The following FARP2 variants were observed in gnomAD, a reference collection of about 807,000 sequenced individuals.
FARP2 encodes the protein FERM, ARH/RhoGEF and pleckstrin domain protein 2.
In FARP2, 111 loss-of-function variants were observed where a neutral mutation model predicts 130.5. That is an observed-to-expected ratio of 0.85 (90% CI 0.73 to 1.00). FARP2 has a LOEUF of 1.00. Among genes scored for constraint, FARP2 ranks in the 50% least tolerant of loss-of-function variants. The pLI, the probability that FARP2 is intolerant of heterozygous loss-of-function variation, is 0.00. For synonymous variants in FARP2, 504 were observed against 516.9 expected, an observed-to-expected ratio of 0.98 and a Z score of 0.34; for missense variants, 1,385 against 1,346.3, an observed-to-expected ratio of 1.03 and a Z score of -0.45.
intron 5 of FARP2, among the ~76,000 whole-genome samples, chr2:241,408,062 A>G (rs1040201584): frequency 7.2e-5 from 11 of 152,206 alleles, no homozygotes; most frequent in East Asian, 1.9e-4. Flanking sequence ...TTAAAGATCA[A>G]TTCTTTATAG....
At chr2:241,465,501 A>G in intron 17 of FARP2, 1 of 1,550,572 alleles carries the variant, frequency 6.4e-7, no homozygotes, top group Non-Finnish European at 8.7e-7. Context: ...GGGTCACAAA[A>G]ATGGAGTAGA....
chr2:241,481,124 G>T (rs902936273), intron 19 of FARP2, among the ~76,000 whole-genome samples: 1 of 151,792 alleles, frequency 6.6e-6, no homozygotes, highest in African/African-American at 2.4e-5. Flanking sequence ...AGCTACCCAG[G>T]AGGCTGAGGC....
intron 1 of FARP2, among the ~76,000 whole-genome samples, chr2:241,363,047 G>A (rs1012287394): frequency 1.1e-4 from 16 of 152,210 alleles, no homozygotes; most frequent in African/African-American, 3.9e-4. Context: ...CAAGTAAACG[G>A]TAACAGGCGG....
rs992797902 is a variant in FARP2, at chr2:241,459,690, C to T, written c.1587+2768C>T. ...CTGGGCCTATCCCTGGCCGCCGTCTCATCCCTGGCCTGCAGCCCAGCTTGC... is the reference window on the plus strand; with the variant it reads ...CTGGGCCTATCCCTGGCCGCCGTCTTATCCCTGGCCTGCAGCCCAGCTTGC... On this transcript the variant is annotated intron_variant, in intron 14 of 26. Transcript: ENST00000264042. This position sits in a 1 kb window ranked among gnomAD's most constrained non-coding sequence, Gnocchi z 5.3. Among the ~76,000 whole-genome samples, 1 of 152,212 alleles carries T rather than the reference C, an allele frequency of 6.6e-6. No homozygotes were observed. Among genetic ancestry groups the T allele is most frequent in the African/African-American group, 2.4e-5 (1 of 41,464 alleles).
chr2:241,458,683 A>G (rs2063932426), intron 14 of FARP2, among the ~76,000 whole-genome samples: 1 of 146,938 alleles, frequency 6.8e-6, no homozygotes, highest in Non-Finnish European at 1.5e-5. Flanking sequence ...CTTTGGTACA[A>G]AAAAAAAAAT....
At chr2:241,410,892 G>A (rs551329614) in intron 5 of FARP2, 141 bp from the exon 6 acceptor site, 45 of 606,424 alleles carry the variant, frequency 7.4e-5, no homozygotes, top group African/African-American at 1.5e-4. Context: ...TTGCTGTTTC[G>A]TGACCGCCTT....
Position 241,428,031 on chromosome 2 carries a change from G to T in FARP2, c.772-3648G>T, listed in dbSNP as rs1351122651. On this transcript the variant is annotated intron_variant, in intron 8 of 26. Coordinates refer to ENST00000264042, the MANE Select transcript of FARP2 (RefSeq NM_014808.4). ...TCCGCCCGCCTTGGCCTCCCAAAGT[G>T]CTGGGATTACAGGCATGAGCCACCA... Among the ~76,000 whole-genome samples, 6 of 152,050 alleles carry T rather than the reference G, an allele frequency of 3.9e-5. No homozygotes were observed. The South Asian group carries it at 1.3e-3, about 32-fold the overall frequency.
chr2:241,383,198 G>A (rs1014148813), intron 2 of FARP2, among the ~76,000 whole-genome samples: 4 of 152,236 alleles, frequency 2.6e-5, no homozygotes, highest in African/African-American at 4.8e-5. Context: ...CAAAGTGAAC[G>A]TAGCAGACAG....
rs373994157 is a variant in FARP2, at chr2:241,436,465, G to A, written c.1101-16G>A. ...GGGAGGGCTTGGTTTCTCACAGCTCGTCCTCTGTTTTGCAGAAGGCACAGC... is the reference window on the plus strand; with the variant it reads ...GGGAGGGCTTGGTTTCTCACAGCTCATCCTCTGTTTTGCAGAAGGCACAGC... On this transcript the variant is annotated splice_polypyrimidine_tract_variant and intron_variant, in intron 11 of 26. Coordinates refer to ENST00000264042, the MANE Select transcript of FARP2 (RefSeq NM_014808.4). 9.0e-5 allele frequency: 146 copies of A among 1,613,964 alleles called. 1 individual carries two copies. Among genetic ancestry groups the A allele is most frequent in the African/African-American group, 1.1e-4 (8 of 75,030 alleles).
chr2:241,490,136 G>A (rs2064857299), intron 22 of FARP2, 92 bp downstream of exon 22: 1 of 902,050 alleles, frequency 1.1e-6, no homozygotes, highest in East Asian at 2.4e-5. Flanking sequence ...TGAGCTGTGA[G>A]GAGCCATGTA....
At chr2:241,453,781 T>G (rs1418709003) in intron 13 of FARP2, among the ~76,000 whole-genome samples, 1 of 114,982 alleles carries the variant, frequency 8.7e-6, no homozygotes, top group Non-Finnish European at 1.8e-5. Context: ...TTTTTTTTTT[T>G]TTTTTTTTTT....
intron 1 of FARP2, among the ~76,000 whole-genome samples, chr2:241,368,828 T>G (rs2061368281): frequency 6.6e-6 from 1 of 152,182 alleles, no homozygotes; most frequent in Non-Finnish European, 1.5e-5. Context: ...AGTCTTAAAC[T>G]TAAGTCTTAG....
At chr2:241,468,014 T>G in intron 17 of FARP2, 126 bp from the exon 18 acceptor site, 1 of 740,572 alleles carries the variant, frequency 1.4e-6, no homozygotes, top group South Asian at 1.6e-5. Context: ...TGGCGCACGC[T>G]GGGCCACTGG....
chr2:241,378,074 G>A (rs2061578607), intron 2 of FARP2, among the ~76,000 whole-genome samples: 1 of 151,832 alleles, frequency 6.6e-6, no homozygotes, highest in African/African-American at 2.4e-5. Context: ...GTATCTCATT[G>A]TGGTTTGAGA....
chr2:241,379,136 C>A (rs2061604862), intron 2 of FARP2, among the ~76,000 whole-genome samples: 1 of 152,202 alleles, frequency 6.6e-6, no homozygotes, highest in Non-Finnish European at 1.5e-5. Flanking sequence ...AGGTGCATAA[C>A]TGAGACCCCG....
intron 24 of FARP2, among the ~76,000 whole-genome samples, chr2:241,492,091 C>T (rs371058784): frequency 2.5e-4 from 38 of 152,326 alleles, no homozygotes; most frequent in African/African-American, 3.8e-4. Context: ...TGCATGGGCC[C>T]GGTCTGCCAT....
intron 2 of FARP2, among the ~76,000 whole-genome samples, chr2:241,373,989 GA>G (rs1461746013): frequency 1.4e-4 from 21 of 151,388 alleles, no homozygotes; most frequent in Admixed American, 6.6e-4. Context: ...TTATTAGCAT[GA>G]AAGTTCTTTT....
intron 2 of FARP2, among the ~76,000 whole-genome samples, chr2:241,383,459 G>A (rs2061709274): frequency 6.6e-6 from 1 of 152,142 alleles, no homozygotes; most frequent in East Asian, 1.9e-4. Context: ...GCCATTAGGT[G>A]ACCCCCATCT....
At chr2:241,376,494 T>A (rs2061538714) in intron 2 of FARP2, among the ~76,000 whole-genome samples, 1 of 150,170 alleles carries the variant, frequency 6.7e-6, no homozygotes, top group African/African-American at 2.5e-5. Context: ...GTCAGTGGGC[T>A]GGTGTGTAGG....
Sources: allele counts gnomAD v4.1 joint callset (sites outside exome capture counted in the v4.1 genomes callset), GRCh38; gene constraint gnomAD v4.1.1; non-coding constraint Gnocchi (gnomAD v3.1); transcripts MANE v1.5; gene names NCBI Gene and HGNC (gene_info 2026-07-23, HGNC 2026-07-21).